The following CYP26B1 variants were observed in gnomAD, a reference collection of about 807,000 sequenced individuals.
CYP26B1 encodes the protein cytochrome P450 family 26 subfamily B member 1, also known as cytochrome P450 26B1.
Under a neutral mutation model 39.1 loss-of-function variants are expected in CYP26B1, and 8 were observed. The observed-to-expected ratio is 0.20, with a 90% CI of 0.12 to 0.37. The LOEUF (loss-of-function observed/expected upper bound fraction) is 0.37, where lower values mean the gene tolerates loss of function less well. Among genes scored for constraint, CYP26B1 ranks in the 10% least tolerant of loss-of-function variants. The pLI is 1.00. For synonymous variants in CYP26B1, 321 were observed against 314.3 expected, an observed-to-expected ratio of 1.02 and a Z score of -0.23; for missense variants, 615 against 707.0, an observed-to-expected ratio of 0.87 and a Z score of 1.48.
intron 1 of CYP26B1, chr2:72,144,460 G>C: frequency 7.6e-7 from 1 of 1,308,880 alleles, no homozygotes. Context: ...CTGTTTTTTG[G>C]TAATGACTTT....
At chr2:72,132,736 G>T in intron 5 of CYP26B1, 117 bp from the exon 6 acceptor site, 2 of 1,490,294 alleles carry the variant, frequency 1.3e-6, no homozygotes, top group Non-Finnish European at 8.9e-7. Flanking sequence ...TTTTCTTAGA[G>T]ACACCCCACT....
chr2:72,141,379 G>T (rs1249606328), intron 2 of CYP26B1, among the ~76,000 whole-genome samples: 2 of 152,180 alleles, frequency 1.3e-5, no homozygotes, highest in African/African-American at 4.8e-5. Context: ...GGGCAGCCAG[G>T]GCAAACACCT....
At chr2:72,138,419 G>C (rs935460942) in intron 2 of CYP26B1, among the ~76,000 whole-genome samples, 2 of 152,196 alleles carry the variant, frequency 1.3e-5, no homozygotes, top group Non-Finnish European at 2.9e-5. Context: ...GTCAGGACTC[G>C]GGCACACTGG....
At chr2:72,136,662 AG>A (rs1676788275) in intron 2 of CYP26B1, among the ~76,000 whole-genome samples, 1 of 152,250 alleles carries the variant, frequency 6.6e-6, no homozygotes, top group Non-Finnish European at 1.5e-5. Flanking sequence ...CGCCTGGGTC[AG>A]CCCAAGCCCA....
At position 72,129,640 on chromosome 2, in the gene CYP26B1, A is replaced by G. The variant is rs914967038; in HGVS notation, c.*2587T>C. On this transcript the variant is annotated 3_prime_UTR_variant, in exon 6 of 6. Coordinates refer to ENST00000001146, the MANE Select transcript of CYP26B1 (RefSeq NM_019885.4). Reference sequence around the variant, plus strand: ...ATGAAAAAAAAGGTTTGTGTATAAAATAATATTATAGCCATCTGGGCAGGG... The same window carrying G: ...ATGAAAAAAAAGGTTTGTGTATAAAGTAATATTATAGCCATCTGGGCAGGG... The G allele has an allele frequency of 1.3e-5, 2 of 152,574 alleles. No homozygotes were observed. The allele number at this position is 152,574 out of a possible 1,614,324, so 9.5% of individuals were successfully genotyped here.
At position 72,135,319 on chromosome 2, in the gene CYP26B1, T is replaced by G; in HGVS notation, c.530A>C (p.Glu177Ala). 1 of 1,614,034 alleles carries G rather than the reference T, an allele frequency of 6.2e-7. No homozygotes were observed. Among genetic ancestry groups the G allele is most frequent in the African/African-American group, 1.3e-5 (1 of 75,066 alleles). ...DTLRAWSSHPEAINVYQEAQK... is the reference protein window; with the variant it reads ...DTLRAWSSHPAAINVYQEAQK... ...CGCCTCCTGGTACACGTTGATGGCCTCGGGGTGGCTGCTCCAGGCGCGCAG... is the reference window on the plus strand; with the variant it reads ...CGCCTCCTGGTACACGTTGATGGCCGCGGGGTGGCTGCTCCAGGCGCGCAG... The change falls in exon 3 of 6, where the codon GAG becomes GCG. Residue 177 changes from glutamate (E) to alanine (A), a missense_variant. Transcript: ENST00000001146.
intron 2 of CYP26B1, among the ~76,000 whole-genome samples, chr2:72,140,087 C>T (rs993207484): frequency 1.3e-5 from 2 of 152,234 alleles, no homozygotes; most frequent in Non-Finnish European, 2.9e-5. Context: ...CCTTCCCACT[C>T]CCTGCCAAGG....
rs1349581898 is a variant in CYP26B1, at chr2:72,144,127, G to A, written c.291C>T (p.Thr97=). Residue 97 remains threonine (T), a synonymous_variant, in exon 2 of 6, where the codon ACC becomes ACT. Transcript: ENST00000001146. The part of the protein sequence containing the change: ...HLLGRPLIRV[T]GAENVRKILM... ...GGATCTTGCGCACGTTCTCCGCGCCGGTCACGCGTATCAGCGGCCGCCCCA... is the reference window on the plus strand; with the variant it reads ...GGATCTTGCGCACGTTCTCCGCGCCAGTCACGCGTATCAGCGGCCGCCCCA... The A allele has an allele frequency of 1.2e-6, 2 of 1,611,286 alleles. No homozygotes were observed. Among genetic ancestry groups the A allele is most frequent in the African/African-American group, 2.7e-5 (2 of 74,876 alleles).
chr2:72,147,848 CG>C lies in CYP26B1; in HGVS notation c.-15del. 7.9e-7 allele frequency: 1 copy of C among 1,260,422 alleles called. No homozygotes were observed. 78.1% of individuals were successfully genotyped at this position (1,260,422 alleles called of 1,614,324 possible). ...CTCAAAGAGCATGTTGGCGGCCGCTCGGGGGATTGGCTGTGCCGGCCGCGGC... is the reference window on the plus strand; with the variant it reads ...CTCAAAGAGCATGTTGGCGGCCGCTCGGGGATTGGCTGTGCCGGCCGCGGC... On this transcript the variant is annotated 5_prime_UTR_variant, in exon 1 of 6. Coordinates refer to ENST00000001146, the MANE Select transcript of CYP26B1 (RefSeq NM_019885.4). This position sits in a 1 kb window ranked among gnomAD's most constrained non-coding sequence, Gnocchi z 6.1.
At chr2:72,137,813 T>G (rs1242229008) in intron 2 of CYP26B1, among the ~76,000 whole-genome samples, 1 of 152,122 alleles carries the variant, frequency 6.6e-6, no homozygotes, top group African/African-American at 2.4e-5. Flanking sequence ...AAGGGGTCCA[T>G]GGGCAAGGCC....
chr2:72,135,035 T>C (rs1005756626), intron 3 of CYP26B1, 109 bp downstream of exon 3: 4 of 1,600,372 alleles, frequency 2.5e-6, no homozygotes, highest in East Asian at 2.2e-5. Context: ...CCTTTGTCCA[T>C]GTGCCCTGTG....
intron 3 of CYP26B1, 32 bp from the exon 4 acceptor site, chr2:72,134,948 AG>A (rs760187741): frequency 1.4e-5 from 23 of 1,611,756 alleles, no homozygotes; most frequent in Non-Finnish European, 1.9e-5. Context: ...CTCATATGGA[AG>A]GGCAGGCTCC....
rs1185854642 is a variant in CYP26B1, at chr2:72,147,566, G to T, written c.204+65C>A. The T allele has an allele frequency of 3.4e-6, 5 of 1,485,036 alleles. No individual in the cohort carries two copies. In the East Asian group the frequency reaches 8.1e-5, roughly 24 times the overall value. 92.0% of individuals were successfully genotyped at this position (1,485,036 alleles called of 1,614,324 possible). A position where few individuals can be genotyped will look rare whatever the true frequency, so the allele number is the denominator to read the frequency against. Reference sequence around the variant, plus strand: ...CCCGGCGCCCCCTGGCCGGCCCGCCGCTCCGTCTGCCCCGCGCTCGCAGCT... The same window carrying T: ...CCCGGCGCCCCCTGGCCGGCCCGCCTCTCCGTCTGCCCCGCGCTCGCAGCT... On this transcript the variant is annotated intron_variant, in intron 1 of 5. Coordinates refer to ENST00000001146, the MANE Select transcript of CYP26B1 (RefSeq NM_019885.4). This position sits in a 1 kb window ranked among gnomAD's most constrained non-coding sequence, Gnocchi z 6.1.
intron 4 of CYP26B1, 44 bp downstream of exon 4, chr2:72,134,717 C>T (rs1401900464): frequency 1.3e-6 from 2 of 1,586,522 alleles, no homozygotes; most frequent in Non-Finnish European, 1.7e-6. Flanking sequence ...CAGAATGGAG[C>T]CTGGGTGCTG....
chr2:72,132,980 C>T (rs777322950), intron 5 of CYP26B1, 43 bp downstream of exon 5: 4 of 1,612,388 alleles, frequency 2.5e-6, no homozygotes, highest in South Asian at 2.2e-5. Context: ...ATCCCGGTGC[C>T]CCTGCTCCCC....
chr2:72,135,084 C>A, intron 3 of CYP26B1, 60 bp downstream of exon 3: 2 of 1,609,268 alleles, frequency 1.2e-6, no homozygotes, highest in Non-Finnish European at 1.7e-6. Context: ...AGCCACCCAC[C>A]CCCAGAGAGG....
chr2:72,147,583 C>T lies in CYP26B1; in HGVS notation c.204+48G>A. The T allele has an allele frequency of 6.4e-7, 1 of 1,551,946 alleles. No individual in the cohort carries two copies. Among genetic ancestry groups the T allele is most frequent in the Non-Finnish European group, 8.7e-7 (1 of 1,151,810 alleles). On this transcript the variant is annotated intron_variant, in intron 1 of 5. Coordinates refer to ENST00000001146, the MANE Select transcript of CYP26B1 (RefSeq NM_019885.4). The surrounding 1 kb of genome is among the most constrained non-coding windows in gnomAD (Gnocchi z 6.1). ...GGCCCGCCGCTCCGTCTGCCCCGCG[C>T]TCGCAGCTAGCGGACCCCGGAGTGC... is the stretch of plus-strand genomic sequence containing the variant.
intron 2 of CYP26B1, among the ~76,000 whole-genome samples, chr2:72,142,524 C>A (rs562446091): frequency 6.6e-6 from 1 of 152,222 alleles, no homozygotes; most frequent in Non-Finnish European, 1.5e-5. Flanking sequence ...TCAGTGGCCC[C>A]TTCCATGAAA....
At chr2:72,143,376 G>T (rs1323505282) in intron 2 of CYP26B1, among the ~76,000 whole-genome samples, 5 of 152,116 alleles carry the variant, frequency 3.3e-5, no homozygotes, top group Non-Finnish European at 5.9e-5. Context: ...TCTTTCGGGG[G>T]GGGGTGGGTG....
Sources: allele counts gnomAD v4.1 joint callset (sites outside exome capture counted in the v4.1 genomes callset), GRCh38; gene constraint gnomAD v4.1.1; non-coding constraint Gnocchi (gnomAD v3.1); transcripts MANE v1.5; gene names NCBI Gene and HGNC (gene_info 2026-07-23, HGNC 2026-07-21).